DLG2: variants seen among roughly 807,000 people sequenced by gnomAD.
DLG2 encodes discs large MAGUK scaffold protein 2.
A neutral mutation model predicts 132.5 loss-of-function variants in DLG2; 45 were observed. The ratio of observed to expected loss-of-function variants is 0.34; its 90% CI spans 0.27 to 0.44. DLG2 has a LOEUF of 0.44. DLG2 is among the 20% of genes least tolerant of loss of function. The pLI is 1.00. For synonymous variants in DLG2, 424 were observed against 419.6 expected (o/e 1.01, Z -0.13); for missense variants, 1,045 against 1,196.9 (o/e 0.87, Z 1.87).
intron 4 of DLG2, among the ~76,000 whole-genome samples, chr11:85,278,869 C>T (rs2078059090): frequency 2.6e-5 from 4 of 152,048 alleles, no homozygotes; most frequent in Admixed American, 1.3e-4. Context: ...AACAGTATGA[C>T]CCTGGACAAG....
intron 15 of DLG2, among the ~76,000 whole-genome samples, chr11:83,892,791 C>G (rs2070348885): frequency 6.6e-6 from 1 of 152,024 alleles, no homozygotes; most frequent in Non-Finnish European, 1.5e-5. Context: ...CATATCTCGG[C>G]TTCCCAATCA....
At chr11:84,723,627 C>T (rs1467986896) in intron 6 of DLG2, among the ~76,000 whole-genome samples, 1 of 152,022 alleles carries the variant, frequency 6.6e-6, no homozygotes, top group Non-Finnish European at 1.5e-5. Context: ...ATTACTGTTA[C>T]CTTAAGATAC....
intron 7 of DLG2, among the ~76,000 whole-genome samples, chr11:84,302,716 TG>T (rs953705597): frequency 2.0e-5 from 3 of 152,238 alleles, no homozygotes; most frequent in African/African-American, 7.2e-5. Context: ...TAATACAAAT[TG>T]TTTTTTAAGT....
At chr11:84,900,922 G>A (rs1330040154) in intron 6 of DLG2, among the ~76,000 whole-genome samples, 3 of 151,924 alleles carry the variant, frequency 2.0e-5, no homozygotes, top group Non-Finnish European at 2.9e-5. Flanking sequence ...GGCCATTGAG[G>A]ATCATTATAA....
At chr11:83,902,464 A>C (rs2073737694) in intron 15 of DLG2, among the ~76,000 whole-genome samples, 1 of 152,230 alleles carries the variant, frequency 6.6e-6, no homozygotes, top group Admixed American at 6.5e-5. Flanking sequence ...AGCCTGCACA[A>C]GGGGTACTAT....
At chr11:84,995,584 T>C (rs1340765869) in intron 6 of DLG2, among the ~76,000 whole-genome samples, 2 of 152,210 alleles carry the variant, frequency 1.3e-5, no homozygotes, top group Non-Finnish European at 2.9e-5. Flanking sequence ...CTTTGAAATA[T>C]ATACACTTAC....
intron 5 of DLG2, among the ~76,000 whole-genome samples, chr11:85,114,265 C>T (rs2073211745): frequency 6.6e-6 from 1 of 151,910 alleles, no homozygotes; most frequent in African/African-American, 2.4e-5. Context: ...AGGAGGTCAG[C>T]TCCTTAGAAG....
chr11:83,724,643 T>G (rs559981431), intron 18 of DLG2, among the ~76,000 whole-genome samples: 1 of 152,212 alleles, frequency 6.6e-6, no homozygotes, highest in Admixed American at 6.5e-5. Flanking sequence ...TCACTGATTG[T>G]TGTTCTCACA....
intron 3 of DLG2, among the ~76,000 whole-genome samples, chr11:85,393,417 T>C (rs1049249919): frequency 2.6e-5 from 4 of 152,086 alleles, no homozygotes; most frequent in Non-Finnish European, 5.9e-5. Context: ...GGAGATTCCT[T>C]AAAGAACTAA....
intron 9 of DLG2, among the ~76,000 whole-genome samples, chr11:84,132,136 T>G (rs1393639528): frequency 6.6e-6 from 1 of 152,046 alleles, no homozygotes; most frequent in Non-Finnish European, 1.5e-5. Context: ...AAGCAGGGCA[T>G]GACCTGTTTT....
chr11:83,966,849 T>C (rs1369660826), intron 12 of DLG2, among the ~76,000 whole-genome samples: 3 of 152,094 alleles, frequency 2.0e-5, no homozygotes, highest in Non-Finnish European at 4.4e-5. Context: ...GACTTGTTCA[T>C]CCTACATATC....
chr11:84,203,263 C>A (rs1429136323), intron 8 of DLG2, among the ~76,000 whole-genome samples: 2 of 152,234 alleles, frequency 1.3e-5, no homozygotes, highest in Non-Finnish European at 1.5e-5. Context: ...TACATATACA[C>A]CATGGAATAC....
chr11:85,541,702 T>C (rs2075987783), intron 3 of DLG2, among the ~76,000 whole-genome samples: 1 of 152,040 alleles, frequency 6.6e-6, no homozygotes. Context: ...AGGATTAAAA[T>C]TTTGATCCAC....
chr11:85,376,524 G>T (rs17810611), intron 3 of DLG2, among the ~76,000 whole-genome samples: 7,258 of 151,966 alleles, frequency 0.048, 227 homozygotes, highest in East Asian at 0.096. Context: ...TCTTAATCTG[G>T]GCAAGAGAGC....
rs536208692 is a variant in DLG2 at position 85,623,196 on chromosome 11, T to C, written c.-93+3391A>G. ...TAAAAATGTTTATATATATATTATATCACTGAGAACCACTGCAAAAAAATA... is the reference window on the plus strand; with the variant it reads ...TAAAAATGTTTATATATATATTATACCACTGAGAACCACTGCAAAAAAATA... On this transcript the variant is annotated intron_variant, in intron 2 of 27. Transcript: ENST00000376104. 5.9e-5 allele frequency among the ~76,000 whole-genome samples: 9 copies of C among 152,224 alleles called. No individual in the cohort carries two copies. The East Asian group carries it at 1.3e-3, about 23-fold the overall frequency.
In DLG2 at chr11:85,537,539, A is replaced by C. The variant is rs2075678277; in HGVS notation, c.40+61118T>G. On this transcript the variant is annotated intron_variant, in intron 3 of 27. Coordinates refer to ENST00000376104, the MANE Select transcript of DLG2 (RefSeq NM_001142699.3). The stretch of plus-strand genomic sequence containing the variant: ...ACAACTCCAGACGGGAGGGATGAAC[A>C]ACTCCAGATGGGAGGAATGAACAAC... Among the ~76,000 whole-genome samples, 2 of 149,180 alleles carry C rather than the reference A, an allele frequency of 1.3e-5. 1 individual carries two copies. Among genetic ancestry groups the C allele is most frequent in the African/African-American group, 5.1e-5 (2 of 38,894 alleles).
At chr11:85,216,661 C>A (rs959153103) in intron 4 of DLG2, among the ~76,000 whole-genome samples, 1 of 151,944 alleles carries the variant, frequency 6.6e-6, no homozygotes, top group Admixed American at 6.6e-5. Context: ...ATCTTAGGGT[C>A]GGTCACCTAG....
intron 15 of DLG2, among the ~76,000 whole-genome samples, chr11:83,886,260 C>A (rs1270496854): frequency 6.6e-6 from 1 of 152,044 alleles, no homozygotes; most frequent in Non-Finnish European, 1.5e-5. Context: ...GAAGATCTAC[C>A]AAGCAAATGG....
chr11:83,994,626 G>T (rs926603114), intron 11 of DLG2, among the ~76,000 whole-genome samples: 7 of 152,110 alleles, frequency 4.6e-5, no homozygotes, highest in African/African-American at 7.2e-5. Flanking sequence ...ATGCAAGAAA[G>T]GGATCGGGGT....
Sources: gnomAD v4.1 joint callset for allele counts (sites outside exome capture counted in the v4.1 genomes callset) on GRCh38, gnomAD v4.1.1 for gene constraint, MANE v1.5 for transcripts, NCBI Gene and HGNC (gene_info 2026-07-23, HGNC 2026-07-21) for gene names.